ABCB4: variants seen among roughly 807,000 people sequenced by gnomAD.
The protein encoded by ABCB4 is ATP binding cassette subfamily B member 4, also known as phosphatidylcholine translocator ABCB4.
ABCB4 carries 76 observed loss-of-function variants against 145.7 expected under a neutral mutation model. The observed-to-expected ratio is 0.52, with a 90% CI of 0.43 to 0.63. The LOEUF (loss-of-function observed/expected upper bound fraction) is 0.63, where lower values mean the gene tolerates loss of function less well. Among genes scored for constraint, ABCB4 ranks in the 30% least tolerant of loss-of-function variants. The probability of loss-of-function intolerance (pLI) is 0.00; values close to 1 mark genes in which losing one functional copy is unlikely to be tolerated. For missense variants in ABCB4, 1,234 were observed against 1,553.1 expected (o/e 0.79, Z 3.45); for synonymous variants, 517 against 566.8 (o/e 0.91, Z 1.25).
chr7:87,437,559 A>G (rs1810693540), intron 14 of ABCB4, among the ~76,000 whole-genome samples: 1 of 152,238 alleles, frequency 6.6e-6, no homozygotes, highest in African/African-American at 2.4e-5. Flanking sequence ...AATCACCATA[A>G]TAATAGCAGC....
chr7:87,419,897 G>T (rs1809293983), intron 19 of ABCB4, 101 bp downstream of exon 19: 1 of 1,268,350 alleles, frequency 7.9e-7, no homozygotes, highest in Admixed American at 1.7e-5. Flanking sequence ...GAATACCCTG[G>T]GGGGAAAACA....
intron 15 of ABCB4, among the ~76,000 whole-genome samples, chr7:87,428,031 C>T (rs1809957026): frequency 6.6e-6 from 1 of 152,082 alleles, no homozygotes; most frequent in East Asian, 1.9e-4. Flanking sequence ...CACTACCTGC[C>T]CAAGCCTGGA....
chr7:87,392,414 G>A, the ABCB4 span: 2 of 648,278 alleles, frequency 3.1e-6, no homozygotes, highest in Non-Finnish European at 5.5e-6. Flanking sequence ...TAGAATAACT[G>A]ATGGAAAGAT....
intron 22 of ABCB4, among the ~76,000 whole-genome samples, chr7:87,413,080 G>A (rs1033712577): frequency 6.6e-5 from 10 of 152,192 alleles, no homozygotes; most frequent in African/African-American, 2.4e-4. Flanking sequence ...TATAAAATCA[G>A]GCTGCAGTGG....
Position 87,443,310 on chromosome 7 carries a change from C to T in ABCB4, c.1356+9G>A. ...TCCCACTCTGGAAAGCTTGGTTCTT[C>T]CCACTTACTGTGCCCTCATCAGGGT... On this transcript the variant is annotated intron_variant, in intron 12 of 27. Coordinates refer to ENST00000649586, the MANE Select transcript of ABCB4 (RefSeq NM_000443.4). The T allele has an allele frequency of 1.2e-6, 2 of 1,614,044 alleles. No homozygotes were observed. Among genetic ancestry groups the T allele is most frequent in the Non-Finnish European group, 1.7e-6 (2 of 1,179,966 alleles).
chr7:87,465,711 G>A (rs1381227665), intron 3 of ABCB4, among the ~76,000 whole-genome samples: 1 of 152,162 alleles, frequency 6.6e-6, no homozygotes, highest in East Asian at 1.9e-4. Flanking sequence ...ACTTCCAGAG[G>A]AACAATCAGG....
intron 21 of ABCB4, 102 bp downstream of exon 21, chr7:87,417,210 A>AAAC (rs1809037296): frequency 8.8e-7 from 1 of 1,136,688 alleles, no homozygotes; most frequent in Non-Finnish European, 1.3e-6. Flanking sequence ...TAGTGGGCAC[A>AAAC]AACATTTAAT....
the ABCB4 span, among the ~76,000 whole-genome samples, chr7:87,370,991 T>C: frequency 8.5e-5 from 13 of 152,244 alleles, 1 homozygote; most frequent in Non-Finnish European, 8.8e-5. Context: ...GTTGTGTGTG[T>C]TGCAATACAC....
At chr7:87,465,523 G>A (rs1584788253) in intron 3 of ABCB4, among the ~76,000 whole-genome samples, 1 of 152,300 alleles carries the variant, frequency 6.6e-6, no homozygotes, top group South Asian at 2.1e-4. Context: ...AGACTTAAAT[G>A]TCCCTGTCTG....
chr7:87,429,639 C>G (rs1295188843), intron 15 of ABCB4, among the ~76,000 whole-genome samples: 1 of 152,142 alleles, frequency 6.6e-6, no homozygotes, highest in East Asian at 1.9e-4. Flanking sequence ...TTGGTAACCA[C>G]TCATGAAATT....
At chr7:87,421,588 G>A (rs1460977015) in intron 18 of ABCB4, among the ~76,000 whole-genome samples, 2 of 152,178 alleles carry the variant, frequency 1.3e-5, no homozygotes, top group Non-Finnish European at 2.9e-5. Flanking sequence ...TATTATATTC[G>A]AAAGGCCTAT....
chr7:87,392,551 C>T, the ABCB4 span: 19 of 1,608,950 alleles, frequency 1.2e-5, no homozygotes, highest in East Asian at 1.1e-4. Flanking sequence ...AAGTGTCTCT[C>T]GATTTTTAAT....
chr7:87,440,591 T>A (rs1234566290), intron 12 of ABCB4, among the ~76,000 whole-genome samples, 189 bp from the exon 13 acceptor site: 3 of 152,212 alleles, frequency 2.0e-5, no homozygotes, highest in Non-Finnish European at 4.4e-5. Flanking sequence ...TTTATTTTCA[T>A]ATATACAGTT....
intron 3 of ABCB4, among the ~76,000 whole-genome samples, chr7:87,467,759 C>A (rs990016693): frequency 7.2e-5 from 11 of 152,204 alleles, no homozygotes; most frequent in Non-Finnish European, 1.6e-4. Flanking sequence ...AACCGCTCAA[C>A]TACATGGAAA....
intron 21 of ABCB4, among the ~76,000 whole-genome samples, chr7:87,414,473 T>C (rs1170161822): frequency 1.3e-5 from 2 of 152,190 alleles, no homozygotes; most frequent in African/African-American, 4.8e-5. Context: ...TTCTTGCACT[T>C]TGGAGTGTCC....
chr7:87,417,305 G>T lies in ABCB4; in HGVS notation c.2682+7C>A. 1 of 1,613,506 alleles carries T rather than the reference G, an allele frequency of 6.2e-7. No individual in the cohort carries two copies. Among genetic ancestry groups the T allele is most frequent in the South Asian group, 1.1e-5 (1 of 90,970 alleles). ...CTTAACACCAATTGAAATCTTATTTGACCTACCTTTCCAGCAGCTTCCAGT... is the reference window on the plus strand; with the variant it reads ...CTTAACACCAATTGAAATCTTATTTTACCTACCTTTCCAGCAGCTTCCAGT... On this transcript the variant is annotated splice_region_variant and intron_variant, in intron 21 of 27. Transcript: ENST00000649586.
the ABCB4 span, among the ~76,000 whole-genome samples, chr7:87,370,355 G>T: frequency 9.2e-5 from 14 of 152,110 alleles, no homozygotes; most frequent in Non-Finnish European, 2.1e-4. Flanking sequence ...GCTAATTATT[G>T]TATTTTTAGT....
At chr7:87,419,353 G>A (rs1177129819) in intron 19 of ABCB4, among the ~76,000 whole-genome samples, 5 of 152,066 alleles carry the variant, frequency 3.3e-5, no homozygotes, top group Admixed American at 2.6e-4. Context: ...CCTCTCTTAG[G>A]CATTTTCTAT....
the ABCB4 span, chr7:87,377,459 A>G: frequency 2.0e-6 from 3 of 1,502,424 alleles, no homozygotes; most frequent in South Asian, 3.4e-5. Context: ...ATGTAAGTAA[A>G]CTACTGAAAT....
Sources: allele counts gnomAD v4.1 joint callset (sites outside exome capture counted in the v4.1 genomes callset), GRCh38; gene constraint gnomAD v4.1.1; transcripts MANE v1.5; gene names NCBI Gene and HGNC (gene_info 2026-07-23, HGNC 2026-07-21).